The following FNBP1L variants were observed in gnomAD, a reference collection of about 807,000 sequenced individuals.
FNBP1L encodes formin-binding protein 1-like.
In FNBP1L, 36 loss-of-function variants were observed where a neutral mutation model predicts 91.2. The ratio of observed to expected loss-of-function variants is 0.39; its 90% confidence interval spans 0.30 to 0.52. The LOEUF (loss-of-function observed/expected upper bound fraction) is 0.52. FNBP1L is among the 20% of genes least tolerant of loss of function. The pLI, the probability that FNBP1L is intolerant of heterozygous loss-of-function variation, is 0.66. For synonymous variants in FNBP1L, 242 were observed against 237.0 expected (o/e 1.02, Z -0.19); for missense variants, 571 against 732.1 (o/e 0.78, Z 2.54).
chr1:93,549,538 T>C, intron 15 of FNBP1L, 112 bp downstream of exon 15: 3 of 819,882 alleles, frequency 3.7e-6, no homozygotes, highest in Admixed American at 3.6e-5. Flanking sequence ...GTCAGAAAAT[T>C]ATTATCCCAT....
At chr1:93,525,789 G>C (rs984268960) in intron 5 of FNBP1L, among the ~76,000 whole-genome samples, 6 of 152,200 alleles carry the variant, frequency 3.9e-5, no homozygotes, top group Non-Finnish European at 8.8e-5. Context: ...AGCTCTACTT[G>C]TGTTTATTGA....
intron 1 of FNBP1L, among the ~76,000 whole-genome samples, chr1:93,469,149 A>T (rs191637602): frequency 6.6e-6 from 1 of 151,996 alleles, no homozygotes; most frequent in African/African-American, 2.4e-5. Flanking sequence ...GGTTTGTTAC[A>T]TAGGTATACA....
intron 1 of FNBP1L, among the ~76,000 whole-genome samples, chr1:93,495,877 T>C (rs780575848): frequency 9.9e-5 from 15 of 152,258 alleles, no homozygotes; most frequent in Non-Finnish European, 2.1e-4. Flanking sequence ...TTATTTTGTC[T>C]GTACACTTAA....
rs926540461 is a variant in FNBP1L at position 93,536,454 on chromosome 1, G to T, written c.1113G>T (p.Lys371Asn). 2.6e-5 allele frequency: 40 copies of T among 1,548,650 alleles called. No individual in the cohort carries two copies. The highest frequency in any genetic ancestry group is 3.1e-5 in the Non-Finnish European group (35 of 1,145,824). The change falls in exon 10 of 17, where the codon AAG becomes AAT. Residue 371 changes from lysine to asparagine, a missense_variant. Around this residue, in one of 5 missense-constraint regions of FNBP1L, gnomAD observed 150 missense variants for 155.9 expected, o/e 0.96. Coordinates refer to ENST00000271234, the MANE Select transcript of FNBP1L (RefSeq NM_001164473.3). ...GTATGAATGAAATAAAAACAGGGAA[G>T]CCCAGAATTCCTTCTTTCAGAAGCC... ...HYCMNEIKTG[K>N]PRIPSFRSLK...
At chr1:93,537,932 G>C (rs1017587113) in intron 10 of FNBP1L, among the ~76,000 whole-genome samples, 44 of 152,188 alleles carry the variant, frequency 2.9e-4, no homozygotes, top group African/African-American at 9.4e-4. Flanking sequence ...GGCTCAAGCA[G>C]TCCTCCCACT....
chr1:93,498,264 T>C lies in FNBP1L; in HGVS notation c.25-1204T>C, dbSNP rs77538162. ...AGATTGTTTCAGCTTTGAAGTGTTG[T>C]TGTTTTTTTTGTTTGTTTGTTTTTG... On this transcript the variant is annotated intron_variant, in intron 1 of 16. Coordinates refer to ENST00000271234, the MANE Select transcript of FNBP1L (RefSeq NM_001164473.3). Among the ~76,000 whole-genome samples, 127 of 152,260 alleles carry C rather than the reference T, an allele frequency of 8.3e-4. 1 individual carries two copies. Among genetic ancestry groups the C allele is most frequent in the African/African-American group, 2.4e-3 (99 of 41,572 alleles).
chr1:93,483,524 T>C (rs1669790565), intron 1 of FNBP1L, among the ~76,000 whole-genome samples: 1 of 152,210 alleles, frequency 6.6e-6, no homozygotes, highest in Non-Finnish European at 1.5e-5. Context: ...CTATCTATTA[T>C]ATGAAATTGA....
rs1325091774 is a variant in FNBP1L at position 93,512,630 on chromosome 1, G to A, written c.141-9452G>A. 1.5e-4 allele frequency among the ~76,000 whole-genome samples: 23 copies of A among 149,222 alleles called. No individual in the cohort carries two copies. In the South Asian group the frequency reaches 2.8e-3, roughly 18 times the overall value. On this transcript the variant is annotated intron_variant, in intron 2 of 16. Transcript: ENST00000271234. ...AGGATTAAGAATCTCACTCAAAACCGCTCAACTACATGGAAACTGAACAAC... is the reference window on the plus strand; with the variant it reads ...AGGATTAAGAATCTCACTCAAAACCACTCAACTACATGGAAACTGAACAAC...
rs150523228 is a variant in FNBP1L, at chr1:93,504,263, C to T, written c.140+4680C>T. Among the ~76,000 whole-genome samples the T allele has an allele frequency of 6.7e-3, 1,025 of 152,190 alleles. 13 individuals carry two copies. The highest frequency in any genetic ancestry group is 0.035 in the Admixed American group (531 of 15,274). On this transcript the variant is annotated intron_variant, in intron 2 of 16. Transcript: ENST00000271234. ...TTCTATTAATACTGGAGTTTGGTGT[C>T]GTGTACATCATTGTGATGTGGTCAT...
At chr1:93,488,335 C>G (rs1669978635) in intron 1 of FNBP1L, 1 of 151,982 alleles carries the variant, frequency 6.6e-6, no homozygotes. Flanking sequence ...AAAGAAAAAG[C>G]CTGTAGCACC....
intron 2 of FNBP1L, among the ~76,000 whole-genome samples, chr1:93,516,697 T>C (rs543393536): frequency 1.4e-3 from 212 of 151,900 alleles, no homozygotes; most frequent in African/African-American, 5.0e-3. Flanking sequence ...TCCCAGCTAC[T>C]AGGGAGGCTG....
intron 1 of FNBP1L, among the ~76,000 whole-genome samples, chr1:93,473,102 TATC>T (rs1466185556): frequency 6.6e-6 from 1 of 152,196 alleles, no homozygotes; most frequent in East Asian, 1.9e-4. Flanking sequence ...TTATTCTTAG[TATC>T]ATCTTAGATT....
chr1:93,538,964 T>A (rs1430044010), intron 10 of FNBP1L, among the ~76,000 whole-genome samples: 1 of 152,128 alleles, frequency 6.6e-6, no homozygotes, highest in Non-Finnish European at 1.5e-5. Context: ...AGATCTTTTC[T>A]GAGGGAGGAA....
Position 93,546,934 on chromosome 1 carries a change from A to G in FNBP1L, c.1367A>G (p.Asn456Ser), listed in dbSNP as rs1672262225. ...CAGCCTAAATTAGCAGAGACCATGA[A>G]TAACATTGACCGCCTACGAATGGAA... is the stretch of plus-strand genomic sequence containing the variant. ...SLQPKLAETMNNIDRLRMEIH... is the reference protein window; with the variant it reads ...SLQPKLAETMSNIDRLRMEIH... Residue 456 changes from asparagine to serine, a missense_variant, in exon 13 of 17, where the codon AAT becomes AGT. Asn to Ser is a conservative substitution (Grantham distance 46). Coordinates refer to ENST00000271234, the MANE Select transcript of FNBP1L (RefSeq NM_001164473.3). 7 of 1,612,940 alleles carry G rather than the reference A, an allele frequency of 4.3e-6. No homozygotes were observed. The highest frequency in any genetic ancestry group is 5.9e-6 in the Non-Finnish European group (7 of 1,179,426).
At chr1:93,535,342 G>A (rs1671809540) in intron 9 of FNBP1L, among the ~76,000 whole-genome samples, 2 of 152,032 alleles carry the variant, frequency 1.3e-5, no homozygotes, top group Admixed American at 1.3e-4. Context: ...GTTTTTAATG[G>A]GAAAGGTTCA....
At chr1:93,520,542 A>C (rs1194729404) in intron 2 of FNBP1L, among the ~76,000 whole-genome samples, 1 of 152,154 alleles carries the variant, frequency 6.6e-6, no homozygotes, top group Non-Finnish European at 1.5e-5. Context: ...AATTATTCCC[A>C]ACTTCTGTAC....
chr1:93,499,392 A>G (rs1376609245), intron 1 of FNBP1L, 76 bp from the exon 2 acceptor site: 1 of 920,474 alleles, frequency 1.1e-6, no homozygotes, highest in Non-Finnish European at 1.7e-6. Flanking sequence ...CTCTGTACAA[A>G]TACCAGAAGC....
intron 16 of FNBP1L, chr1:93,551,588 A>G: frequency 1.0e-6 from 1 of 985,504 alleles, no homozygotes; most frequent in Non-Finnish European, 1.2e-6. Flanking sequence ...GTTTCCAAGA[A>G]GAAAAATAGT....
intron 1 of FNBP1L, among the ~76,000 whole-genome samples, chr1:93,476,178 A>G (rs1488460425): frequency 6.6e-6 from 1 of 152,340 alleles, no homozygotes; most frequent in East Asian, 1.9e-4. Context: ...TAATGTACAA[A>G]TGATATGTAA....
Sources: gnomAD v4.1 joint callset for allele counts (sites outside exome capture counted in the v4.1 genomes callset) on GRCh38, gnomAD v4.1.1 for gene constraint, gnomAD v4.1.1 regional missense constraint, MANE v1.5 for transcripts, NCBI Gene and HGNC (gene_info 2026-07-23, HGNC 2026-07-21) for gene names.